The following ZNF385D variants were observed in gnomAD, a reference collection of about 807,000 sequenced individuals.
ZNF385D encodes zinc finger protein 385D.
ZNF385D carries 15 observed loss-of-function variants against 35.8 expected under a neutral mutation model. The observed-to-expected ratio is 0.42, with a 90% CI of 0.28 to 0.64. The LOEUF (loss-of-function observed/expected upper bound fraction) is 0.64. Among genes scored for constraint, ZNF385D ranks in the 30% least tolerant of loss-of-function variants. ZNF385D has a pLI of 0.23. For missense variants in ZNF385D, 474 were observed against 494.6 expected (o/e 0.96, Z 0.39); for synonymous variants, 212 against 186.8 (o/e 1.13, Z -1.10).
rs148525077 is a variant in ZNF385D at position 21,960,648 on chromosome 3, C to T, written c.325+208169G>A. Among the ~76,000 whole-genome samples the T allele has an allele frequency of 1.1e-4, 17 of 152,216 alleles. No individual in the cohort carries two copies. In the East Asian group the frequency reaches 3.1e-3, roughly 28 times the overall value. ...GACACCTACACTCCTTTGTTTATTG[C>T]AGCACTATTCACAATCGCTAAGATA... On this transcript the variant is annotated intron_variant, in intron 3 of 5. Coordinates refer to the ZNF385D transcript ENST00000494108.
At position 22,270,829 on chromosome 3, in the gene ZNF385D, A is replaced by G. The variant is rs369672461; in HGVS notation, c.106+101621T>C. Among the ~76,000 whole-genome samples the G allele has an allele frequency of 6.8e-4, 103 of 152,126 alleles. 1 individual carries two copies. The highest frequency in any genetic ancestry group is 2.4e-3 in the African/African-American group (98 of 41,538). On this transcript the variant is annotated intron_variant, in intron 2 of 5. Transcript: ENST00000494108. ...ATAAATGTATTGAACTTACTTATGT[A>G]ATTTTCCTCTGTTTTCTTTCTCTAA...
intron 3 of ZNF385D, among the ~76,000 whole-genome samples, chr3:21,842,934 A>G (rs1343628211): frequency 2.0e-5 from 3 of 152,072 alleles, no homozygotes; most frequent in East Asian, 3.9e-4. Context: ...CTGAAAATCT[A>G]TTCTCTTTCA....
chr3:21,991,579 T>C (rs7652319), intron 3 of ZNF385D, among the ~76,000 whole-genome samples: 53,781 of 152,158 alleles, frequency 0.35, 12,405 homozygotes, highest in African/African-American at 0.66. Context: ...GTGGGCAAAA[T>C]GTTCCACCAC....
At chr3:22,273,851 C>T (rs1701295654) in intron 2 of ZNF385D, among the ~76,000 whole-genome samples, 1 of 151,872 alleles carries the variant, frequency 6.6e-6, no homozygotes, top group Non-Finnish European at 1.5e-5. Flanking sequence ...TAGAAGATCT[C>T]CCATAGAATC....
At chr3:22,302,295 A>C (rs1315477460) in intron 2 of ZNF385D, among the ~76,000 whole-genome samples, 1 of 151,944 alleles carries the variant, frequency 6.6e-6, no homozygotes, top group Non-Finnish European at 1.5e-5. Context: ...CCACAGTATT[A>C]AATTTTTTAT....
intron 3 of ZNF385D, among the ~76,000 whole-genome samples, chr3:21,557,755 C>T (rs113689402): frequency 0.034 from 5,239 of 152,190 alleles, 133 homozygotes; most frequent in Middle Eastern, 0.061. Context: ...CCTTTTTGTA[C>T]CTCTGGTAGA....
At chr3:22,083,086 A>G (rs1700841315) in intron 3 of ZNF385D, among the ~76,000 whole-genome samples, 1 of 152,226 alleles carries the variant, frequency 6.6e-6, no homozygotes, top group African/African-American at 2.4e-5. Flanking sequence ...CACCATCATC[A>G]AAGACCAAAG....
chr3:21,636,072 C>T (rs1169196842), intron 2 of ZNF385D, among the ~76,000 whole-genome samples: 1 of 151,810 alleles, frequency 6.6e-6, no homozygotes, highest in African/African-American at 2.4e-5. Flanking sequence ...TGGGTAGATA[C>T]CCAGTCATGG....
At chr3:22,364,384 T>C (rs894868367) in intron 2 of ZNF385D, among the ~76,000 whole-genome samples, 5 of 152,028 alleles carry the variant, frequency 3.3e-5, no homozygotes, top group African/African-American at 1.2e-4. Flanking sequence ...ATCTAGAATA[T>C]ACATGGAACT....
At chr3:22,372,169 G>C (rs1254383697) in intron 2 of ZNF385D, among the ~76,000 whole-genome samples, 1 of 151,998 alleles carries the variant, frequency 6.6e-6, no homozygotes, top group African/African-American at 2.4e-5. Flanking sequence ...AATGAGCTGT[G>C]ACCTGAGACC....
At chr3:22,063,586 C>A (rs1422022202) in intron 3 of ZNF385D, among the ~76,000 whole-genome samples, 2 of 152,098 alleles carry the variant, frequency 1.3e-5, no homozygotes, top group African/African-American at 2.4e-5. Flanking sequence ...TCAAAAATAA[C>A]CCTAATGATA....
intron 2 of ZNF385D, among the ~76,000 whole-genome samples, chr3:21,650,067 T>C (rs753682071): frequency 2.0e-5 from 3 of 151,746 alleles, no homozygotes; most frequent in Non-Finnish European, 4.4e-5. Flanking sequence ...ATTACAAACA[T>C]TAAAGATGGC....
At chr3:21,606,904 A>G (rs1291601297) in intron 2 of ZNF385D, among the ~76,000 whole-genome samples, 3 of 151,654 alleles carry the variant, frequency 2.0e-5, no homozygotes, top group African/African-American at 7.2e-5. Flanking sequence ...CTGCAAATGG[A>G]TGAAGTTCTT....
At chr3:21,845,458 T>C (rs571035763) in intron 3 of ZNF385D, among the ~76,000 whole-genome samples, 1 of 152,122 alleles carries the variant, frequency 6.6e-6, no homozygotes, top group South Asian at 2.1e-4. Context: ...TTTTCAGATA[T>C]GAAATCTACT....
intron 4 of ZNF385D, among the ~76,000 whole-genome samples, chr3:21,458,668 A>T (rs800614): frequency 0.17 from 26,336 of 152,044 alleles, 2,426 homozygotes; most frequent in Middle Eastern, 0.22. Flanking sequence ...CCATGAAAAC[A>T]TTATGCTAAA....
At chr3:21,803,714 T>G (rs1431434709) in intron 3 of ZNF385D, among the ~76,000 whole-genome samples, 1 of 152,192 alleles carries the variant, frequency 6.6e-6, no homozygotes, top group Non-Finnish European at 1.5e-5. Context: ...TTTCTCAGTC[T>G]TCATCATTGT....
chr3:22,229,671 G>A (rs1002827987), intron 2 of ZNF385D, among the ~76,000 whole-genome samples: 1 of 152,136 alleles, frequency 6.6e-6, no homozygotes, highest in African/African-American at 2.4e-5. Flanking sequence ...CTTGGTCAAA[G>A]GGATTGAGAG....
At chr3:21,532,450 T>A in intron 3 of ZNF385D, among the ~76,000 whole-genome samples, 1 of 152,188 alleles carries the variant, frequency 6.6e-6, no homozygotes, top group East Asian at 1.9e-4. Context: ...GTTTATTCAA[T>A]ATCACAATTA....
chr3:21,748,396 G>A (rs896531228), intron 1 of ZNF385D, among the ~76,000 whole-genome samples: 1 of 127,890 alleles, frequency 7.8e-6, no homozygotes, highest in Non-Finnish European at 1.6e-5. Context: ...GGCTATTCAG[G>A]TAGTGATTCT....
Sources: allele counts gnomAD v4.1 joint callset (sites outside exome capture counted in the v4.1 genomes callset), GRCh38; gene constraint gnomAD v4.1.1; transcripts MANE v1.5; gene names NCBI Gene and HGNC (gene_info 2026-07-23, HGNC 2026-07-21).